TFE3: variants seen among roughly 807,000 people sequenced by gnomAD.
The protein encoded by TFE3 is transcription factor binding to IGHM enhancer 3.
TFE3 carries 5 observed loss-of-function variants against 35.0 expected under a neutral mutation model. The observed-to-expected ratio is 0.14, with a 90% CI of 0.07 to 0.30. TFE3 has a LOEUF of 0.30. Ranked by LOEUF, TFE3 falls within the 10% of genes least tolerant of loss-of-function variation. The probability of loss-of-function intolerance (pLI) is 1.00; values close to 1 mark genes in which losing one functional copy is unlikely to be tolerated. For synonymous variants in TFE3, 211 were observed against 215.6 expected (o/e 0.98, Z 0.18); for missense variants, 374 against 496.6 (o/e 0.75, Z 2.35).
chrX:49,033,044 G>T (rs782368049), intron 8 of TFE3, among the ~76,000 whole-genome samples: 78 of 105,114 alleles, frequency 7.4e-4, no homozygotes, highest in Non-Finnish European at 1.3e-3. Context: ...TTAGGTGATC[G>T]ACCCCGCCTT....
At position 49,043,290 on chromosome X, in the gene TFE3, A is replaced by C. The variant is rs1445926957; in HGVS notation, c.-64T>G. 2.1e-5 allele frequency: 18 copies of C among 841,957 alleles called. No homozygotes were observed. In the East Asian group the frequency reaches 2.6e-4, roughly 12 times the overall value. 69.4% of individuals were successfully genotyped at this position (841,957 alleles called of 1,213,427 possible). A position where few individuals can be genotyped will look rare whatever the true frequency, so the allele number is the denominator to read the frequency against. ...GCCTCGGCCCGGTCCCCCTAACAAA[A>C]TAAGAGTCCCCCCTCCCCCCAGCTC... On this transcript the variant is annotated 5_prime_UTR_variant, in exon 1 of 10. Transcript: ENST00000315869.
intron 7 of TFE3, 71 bp from the exon 8 acceptor site, chrX:49,033,611 A>G (rs1557074146): frequency 1.2e-5 from 14 of 1,184,848 alleles, no homozygotes; most frequent in Admixed American, 2.2e-5. Flanking sequence ...TGGAAGAGAC[A>G]GAAAGTAGGG....
rs1419754952 is a variant in TFE3 at position 49,030,364 on chromosome X, C to T, written c.1522G>A (p.Asp508Asn). Reference sequence around the variant, plus strand: ...GGGTCTCCCAGGTCCCCCAGGTGGTCGCTGGGAAAGTGCAGGTCCAGAAGG... The same window carrying T: ...GGGTCTCCCAGGTCCCCCAGGTGGTTGCTGGGAAAGTGCAGGTCCAGAAGG... ...DALLDLHFPS[D>N]HLGDLGDPFH... Residue 508 changes from aspartate (D) to asparagine (N), a missense_variant, in exon 10 of 10, where the codon GAC (aspartate) becomes AAC (asparagine). By Grantham distance (23) the Asp-to-Asn change is conservative. Around this residue, in one of 3 missense-constraint regions of TFE3, gnomAD observed 117 missense variants for 111.9 expected, o/e 1.05. Coordinates refer to ENST00000315869, the MANE Select transcript of TFE3 (RefSeq NM_006521.6). 20 of 1,204,846 alleles carry T rather than the reference C, an allele frequency of 1.7e-5. No individual in the cohort carries two copies. The highest frequency in any genetic ancestry group is 2.2e-5 in the Admixed American group (1 of 45,255).
rs782583993 is a variant in TFE3, at chrX:49,041,569, G to T, written c.117-1001C>A. Among the ~76,000 whole-genome samples the T allele has an allele frequency of 1.5e-3, 163 of 111,102 alleles. 2 individuals carry two copies. Among genetic ancestry groups the T allele is most frequent in the Admixed American group, 6.7e-4 (7 of 10,409 alleles). Reference sequence around the variant, plus strand: ...TTTATACAAGCATTCTTTTCTTACCGGAGGAGCCTGCCCAGCCTTCTCCTG... The same window carrying T: ...TTTATACAAGCATTCTTTTCTTACCTGAGGAGCCTGCCCAGCCTTCTCCTG... On this transcript the variant is annotated intron_variant, in intron 1 of 9. Coordinates refer to ENST00000315869, the MANE Select transcript of TFE3 (RefSeq NM_006521.6).
chrX:49,029,095 G>T lies in TFE3; in HGVS notation c.*1063C>A, dbSNP rs1254986846. The T allele has an allele frequency of 5.8e-6, 1 of 171,867 alleles. No homozygotes were observed. Among genetic ancestry groups the T allele is most frequent in the Non-Finnish European group, 1.1e-5 (1 of 90,311 alleles). 14.2% of individuals were successfully genotyped at this position (171,867 alleles called of 1,213,427 possible). The stretch of plus-strand genomic sequence containing the variant: ...TTTTCCTGGGCTGGGGAGGTCCCAG[G>T]ATAGCCCCTTCCTTCATCCTCTTGC... On this transcript the variant is annotated 3_prime_UTR_variant, in exon 10 of 10. Coordinates refer to ENST00000315869, the MANE Select transcript of TFE3 (RefSeq NM_006521.6).
chrX:49,036,892 A>G (rs1405536418), intron 5 of TFE3, among the ~76,000 whole-genome samples: 1 of 112,673 alleles, frequency 8.9e-6, no homozygotes, highest in Non-Finnish European at 1.9e-5. Flanking sequence ...CCCTTGCTCT[A>G]GAAAGTTTTA....
At chrX:49,042,222 C>A (rs1394143139) in intron 1 of TFE3, among the ~76,000 whole-genome samples, 1 of 111,092 alleles carries the variant, frequency 9.0e-6, no homozygotes, top group Non-Finnish European at 1.9e-5. Context: ...CCCAGGAGCT[C>A]GGAGATCGAA....
In TFE3 at chrX:49,043,254, A is replaced by T; in HGVS notation, c.-28T>A. The stretch of plus-strand genomic sequence containing the variant: ...CGCCCGGCCCCGGGCGAGCCCTGCC[A>T]GGCCGGTCGGGCCTCGGCCCGGTCC... On this transcript the variant is annotated 5_prime_UTR_variant, in exon 1 of 10. Transcript: ENST00000315869. The T allele has an allele frequency of 9.1e-7, 1 of 1,096,744 alleles. No individual in the cohort carries two copies. Among genetic ancestry groups the T allele is most frequent in the Non-Finnish European group, 1.2e-6 (1 of 827,791 alleles). 90.4% of individuals were successfully genotyped at this position (1,096,744 alleles called of 1,213,427 possible).
At chrX:49,033,885 T>C in intron 6 of TFE3, 103 bp from the exon 7 acceptor site, 2 of 963,941 alleles carry the variant, frequency 2.1e-6, no homozygotes, top group South Asian at 4.3e-5. Flanking sequence ...GGAAATGCCT[T>C]TTTTAAAAAG....
At chrX:49,035,213 T>C (rs1557074458) in intron 5 of TFE3, among the ~76,000 whole-genome samples, 2 of 105,706 alleles carry the variant, frequency 1.9e-5, no homozygotes, top group African/African-American at 3.4e-5. Flanking sequence ...TCCCAGCTAC[T>C]TGAGAGGCTG....
chrX:49,035,007 C>T (rs781929694), intron 5 of TFE3, among the ~76,000 whole-genome samples: 5 of 109,550 alleles, frequency 4.6e-5, no homozygotes, highest in South Asian at 3.9e-4. Context: ...CAGAGGAGCA[C>T]GTCAATCTTA....
Position 49,029,592 on chromosome X carries a change from G to A in TFE3, c.*566C>T. Reference sequence around the variant, plus strand: ...GCCAGGAGAGTTCCCAGGGGAAGGGGCTGGGTCTCATCCTCACTTCTGTTC... The same window carrying A: ...GCCAGGAGAGTTCCCAGGGGAAGGGACTGGGTCTCATCCTCACTTCTGTTC... On this transcript the variant is annotated 3_prime_UTR_variant, in exon 10 of 10. Transcript: ENST00000315869. 2.8e-6 allele frequency: 1 copy of A among 357,559 alleles called. No individual in the cohort carries two copies. The highest frequency in any genetic ancestry group is 5.4e-6 in the Non-Finnish European group (1 of 186,195). 29.5% of individuals were successfully genotyped at this position (357,559 alleles called of 1,213,427 possible).
Position 49,031,411 on chromosome X carries a change from G to T in TFE3, c.1270C>A (p.Gln424Lys), listed in dbSNP as rs1557073707. The T allele has an allele frequency of 8.3e-7, 1 of 1,198,220 alleles. No individual in the cohort carries two copies. Among genetic ancestry groups the T allele is most frequent in the South Asian group, 1.8e-5 (1 of 55,190 alleles). Residue 424 changes from glutamine to lysine, a missense_variant, in exon 9 of 10, where the codon CAG (glutamine) becomes AAG (lysine). Gln to Lys is a moderately conservative substitution (Grantham distance 53). This residue lies in a region of TFE3 where 167 missense variants were observed against 297.2 expected (regional missense o/e 0.56). Transcript: ENST00000315869. ...TCTTTTCAAACCTGAATTCGGAGCT[G>T]CAGGCTGCGGTTGGCCTGCTCCAGG... ...RSLEQANRSLQLRIQELELQA... is the reference protein window; with the variant it reads ...RSLEQANRSLKLRIQELELQA...
rs1557075370 is a variant in TFE3 at position 49,039,421 on chromosome X, G to C, written c.231-11C>G. The C allele has an allele frequency of 8.6e-7, 1 of 1,163,015 alleles. No homozygotes were observed. Among genetic ancestry groups the C allele is most frequent in the Admixed American group, 2.6e-5 (1 of 38,470 alleles). ...AGTGATATTGGGAGGCTGTGGAATG[G>C]GAAATATGGGGCCATATTTTAGGTA... On this transcript the variant is annotated splice_polypyrimidine_tract_variant and intron_variant, in intron 2 of 9. Transcript: ENST00000315869.
At chrX:49,035,443 G>C (rs1287188033) in intron 5 of TFE3, among the ~76,000 whole-genome samples, 1 of 53,912 alleles carries the variant, frequency 1.9e-5, no homozygotes, top group Non-Finnish European at 3.0e-5. Flanking sequence ...GTATCGTTCT[G>C]TCACCCAGGC....
chrX:49,032,767 C>G (rs1383942928), intron 8 of TFE3, among the ~76,000 whole-genome samples: 1 of 108,922 alleles, frequency 9.2e-6, no homozygotes. Flanking sequence ...CTCCACCTCC[C>G]GGGTTCAAGT....
Position 49,034,146 on chromosome X carries a change from G to A in TFE3, c.991C>T (p.Arg331Trp), listed in dbSNP as rs899189335. The A allele has an allele frequency of 5.0e-6, 6 of 1,209,447 alleles. No homozygotes were observed. Among genetic ancestry groups the A allele is most frequent in the African/African-American group, 1.7e-5 (1 of 57,891 alleles). ...CCCTATCACCTACCAGAGATCTCCC[G>A]TTTGATGTTGGGCAGCTCAGCTGGG... is the stretch of plus-strand genomic sequence containing the variant. ...SCPAELPNIK[R>W]EISETEAKAL... Residue 331 changes from arginine to tryptophan, a missense_variant, in exon 6 of 10, where the codon CGG becomes TGG. Arg to Trp is a moderately radical substitution (Grantham distance 101). Coordinates refer to ENST00000315869, the MANE Select transcript of TFE3 (RefSeq NM_006521.6).
At chrX:49,036,678 T>G (rs1203273713) in intron 5 of TFE3, among the ~76,000 whole-genome samples, 1 of 109,913 alleles carries the variant, frequency 9.1e-6, no homozygotes, top group African/African-American at 3.3e-5. Context: ...GGCACGCGCC[T>G]GTAGTCCCAG....
rs1433718459 is a variant in TFE3, at chrX:49,028,813, G to A, written c.*1345C>T. On this transcript the variant is annotated 3_prime_UTR_variant, in exon 10 of 10. Coordinates refer to ENST00000315869, the MANE Select transcript of TFE3 (RefSeq NM_006521.6). ...AGACCCCTCAGTATACCCTCCATGG[G>A]GCCTGGCCCCAGCAATCCAAAGCTG... is the stretch of plus-strand genomic sequence containing the variant. 5.9e-6 allele frequency: 1 copy of A among 169,662 alleles called. No homozygotes were observed. The highest frequency in any genetic ancestry group is 1.1e-5 in the Non-Finnish European group (1 of 88,792). 14.0% of individuals were successfully genotyped at this position (169,662 alleles called of 1,213,427 possible).
Sources: allele counts gnomAD v4.1 joint callset (sites outside exome capture counted in the v4.1 genomes callset), GRCh38; gene constraint gnomAD v4.1.1; regional missense constraint gnomAD v4.1.1; transcripts MANE v1.5; gene names NCBI Gene and HGNC (gene_info 2026-07-23, HGNC 2026-07-21).